Variants in APBA3 observed in about 807,000 individuals in gnomAD.
APBA3 encodes the protein amyloid beta precursor protein binding family A member 3, also known as amyloid-beta A4 precursor protein-binding family A member 3.
A neutral mutation model predicts 55.9 loss-of-function variants in APBA3; 45 were observed. The observed-to-expected ratio is 0.80, with a 90% CI of 0.63 to 1.03. The LOEUF (loss-of-function observed/expected upper bound fraction) is 1.03, where lower values mean the gene tolerates loss of function less well. APBA3 is among the 50% of genes least tolerant of loss of function. The pLI is 0.00. For missense variants in APBA3, 865 were observed against 820.3 expected, an observed-to-expected ratio of 1.05 and a Z score of -0.67; for synonymous variants, 370 against 353.3, an observed-to-expected ratio of 1.05 and a Z score of -0.53.
In APBA3 at chr19:3,751,512, G is replaced by C. The variant is rs1301348950; in HGVS notation, c.1437C>G (p.His479Gln). ...SQTSVTLSIV[H>Q]CPPVTTAIIH... ...TGATGGCGGTGGTGACGGGAGGGCA[G>C]TGGACGATGCTGAGTGTCACCGACG... The change falls in exon 9 of 11, where the codon CAC (histidine) becomes CAG (glutamine). Residue 479 changes from histidine (H) to glutamine (Q), a missense_variant. His to Gln is a conservative substitution (Grantham distance 24). Coordinates refer to ENST00000316757, the MANE Select transcript of APBA3 (RefSeq NM_004886.4). 2.5e-6 allele frequency: 4 copies of C among 1,588,362 alleles called. No homozygotes were observed. Among genetic ancestry groups the C allele is most frequent in the Non-Finnish European group, 3.4e-6 (4 of 1,170,490 alleles).
intron 1 of APBA3, 134 bp from the exon 2 acceptor site, chr19:3,760,435 AC>A (rs2037131260): frequency 1.7e-6 from 1 of 595,688 alleles, no homozygotes; most frequent in Admixed American, 3.4e-5. Context: ...ACAGAGCAAG[AC>A]CCTCTCTCTA....
Position 3,759,729 on chromosome 19 carries a change from A to T in APBA3, c.536T>A (p.Val179Glu), listed in dbSNP as rs1363052709. 6.2e-7 allele frequency: 1 copy of T among 1,612,602 alleles called. No individual in the cohort carries two copies. The highest frequency in any genetic ancestry group is 1.1e-5 in the South Asian group (1 of 91,068). ...TGGCTCTTCAGGTGTGACTAGAGGCACCGTCTCCAGCCAGGGTTCCGGGGA... is the reference window on the plus strand; with the variant it reads ...TGGCTCTTCAGGTGTGACTAGAGGCTCCGTCTCCAGCCAGGGTTCCGGGGA... ...SSSPEPWLETVPLVTPEEPPA... is the reference protein window; with the variant it reads ...SSSPEPWLETEPLVTPEEPPA... Residue 179 changes from valine to glutamate, a missense_variant, in exon 2 of 11, where the codon GTG becomes GAG. Coordinates refer to ENST00000316757, the MANE Select transcript of APBA3 (RefSeq NM_004886.4).
At chr19:3,759,472 T>G in intron 3 of APBA3, 89 bp downstream of exon 3, 1 of 1,330,796 alleles carries the variant, frequency 7.5e-7, no homozygotes, top group Non-Finnish European at 1.1e-6. Context: ...ACCTCGTCCT[T>G]ACTGGCAAGC....
Position 3,754,050 on chromosome 19 carries a change from TTGG to T in APBA3, c.815_817del (p.Thr272del), listed in dbSNP as rs1367497512. The stretch of plus-strand genomic sequence containing the variant: ...GTCCGCTGTCAAGACCTTGATCCTC[TTGG>T]TGGAGACGAACAGGTCCACCTCCGT... On this transcript the variant is annotated inframe_deletion, in exon 5 of 11. Coordinates refer to ENST00000316757, the MANE Select transcript of APBA3 (RefSeq NM_004886.4). 1 of 1,611,210 alleles carries T rather than the reference TTGG, an allele frequency of 6.2e-7. No individual in the cohort carries two copies. Among genetic ancestry groups the T allele is most frequent in the East Asian group, 2.2e-5 (1 of 44,820 alleles).
chr19:3,757,145 C>CA (rs2037087329), intron 3 of APBA3, among the ~76,000 whole-genome samples: 1 of 151,760 alleles, frequency 6.6e-6, no homozygotes, highest in South Asian at 2.1e-4. Context: ...GACATGGTCT[C>CA]ACTGTCACCC....
intron 3 of APBA3, among the ~76,000 whole-genome samples, chr19:3,758,144 C>T (rs548639833): frequency 6.6e-6 from 1 of 152,264 alleles, no homozygotes; most frequent in East Asian, 1.9e-4. Context: ...CAATGTTGGC[C>T]AGGCTGGTCT....
rs897625446 is a variant in APBA3 at position 3,752,691 on chromosome 19, G to T, written c.1212C>A (p.Gly404=). ...CCGACTCCACCAGGGCCACGCCCAG[G>T]CCCTCCCCTCGCCGCTTCTCGAGGT... The part of the protein sequence containing the change: ...EVHLEKRRGE[G]LGVALVESGW... The change falls in exon 8 of 11, where the codon GGC becomes GGA. Residue 404 remains glycine, a synonymous_variant. Transcript: ENST00000316757. 1 of 1,595,002 alleles carries T rather than the reference G, an allele frequency of 6.3e-7. No homozygotes were observed. Among genetic ancestry groups the T allele is most frequent in the African/African-American group, 1.3e-5 (1 of 74,876 alleles).
rs1224473166 is a variant in APBA3 at position 3,754,230 on chromosome 19, T to C, written c.727A>G (p.Met243Val). 1.0e-5 allele frequency: 16 copies of C among 1,544,350 alleles called. No individual in the cohort carries two copies. Among genetic ancestry groups the C allele is most frequent in the Admixed American group, 8.2e-5 (4 of 48,640 alleles). Residue 243 changes from methionine to valine, a missense_variant, in exon 4 of 11, where the codon ATG (methionine) becomes GTG (valine). Met to Val is a conservative substitution (Grantham distance 21). Transcript: ENST00000316757. The stretch of plus-strand genomic sequence containing the variant: ...TCCATGGCCTCCCGGGCCTGGGCCA[T>C]GCGCGTGCTGGTGGGCGGGTTCCGT... ...SERNPPTSTR[M>V]AQAREAMDRV... is the part of the protein sequence containing the mutation.
chr19:3,752,889 C>A lies in APBA3; in HGVS notation c.1113G>T (p.Pro371=). 1.2e-6 allele frequency: 2 copies of A among 1,613,268 alleles called. No homozygotes were observed. The highest frequency in any genetic ancestry group is 1.7e-4 in the Middle Eastern group (1 of 6,060). Residue 371 remains proline (P), a synonymous_variant, in exon 7 of 11, where the codon CCG becomes CCT. Coordinates refer to ENST00000316757, the MANE Select transcript of APBA3 (RefSeq NM_004886.4). ...TATGGAGGTGGCAGGCGCCTGGGCT[C>A]GGGTGCACGCCCACCTGGCTGGGGT... ...GIDPSQVGVH[P]SPGACHLHNG... is the part of the protein sequence containing the mutation.
At chr19:3,752,091 G>A (rs1411480317) in intron 8 of APBA3, among the ~76,000 whole-genome samples, 1 of 152,190 alleles carries the variant, frequency 6.6e-6, no homozygotes, top group Non-Finnish European at 1.5e-5. Context: ...GTGCACACCT[G>A]TGGTCCCAGC....
chr19:3,751,122 C>T lies in APBA3; in HGVS notation c.1657-25G>A, dbSNP rs894090267. ...CCTGGGGAGTGGAGGCGGAACGGGG[C>T]TCAGGGCAGGCCTGGGCTCGTGGGG... On this transcript the variant is annotated intron_variant, in intron 10 of 10. Coordinates refer to ENST00000316757, the MANE Select transcript of APBA3 (RefSeq NM_004886.4). The T allele has an allele frequency of 5.8e-6, 9 of 1,562,528 alleles. No individual in the cohort carries two copies. In the African/African-American group the frequency reaches 1.2e-4, roughly 21 times the overall value.
At chr19:3,752,096 C>T (rs2037013233) in intron 8 of APBA3, among the ~76,000 whole-genome samples, 1 of 152,150 alleles carries the variant, frequency 6.6e-6, no homozygotes, top group Admixed American at 6.5e-5. Flanking sequence ...CACCTGTGGT[C>T]CCAGCTACTC....
chr19:3,751,207 G>A lies in APBA3; in HGVS notation c.1638C>T (p.Leu546=), dbSNP rs2036994870. ...ATPHARIIEL[L]TEAYGEVHIK... is the part of the protein sequence containing the mutation. ...CGCACACCTCGCCATAGGCCTCGGT[G>A]AGCAGCTCGATGATGCGGGCGTGTG... The change falls in exon 10 of 11, where the codon CTC becomes CTT. Residue 546 remains leucine, a synonymous_variant. Coordinates refer to ENST00000316757, the MANE Select transcript of APBA3 (RefSeq NM_004886.4). The A allele has an allele frequency of 6.4e-7, 1 of 1,552,282 alleles. No homozygotes were observed. The highest frequency in any genetic ancestry group is 8.7e-7 in the Non-Finnish European group (1 of 1,149,114).
In APBA3 at chr19:3,753,755, G is replaced by A. The variant is rs771131480; in HGVS notation, c.1011+10C>T. 4 of 1,503,402 alleles carry A rather than the reference G, an allele frequency of 2.7e-6. No individual in the cohort carries two copies. The highest frequency in any genetic ancestry group is 1.4e-5 in the African/African-American group (1 of 72,476). The allele number at this position is 1,503,402 out of a possible 1,614,324, so 93.1% of individuals were successfully genotyped here. On this transcript the variant is annotated intron_variant, in intron 6 of 10. Transcript: ENST00000316757. Reference sequence around the variant, plus strand: ...CCTCAGGAGGGTGGCCCCGCGCCCTGGCTGCTCACGTCCTCCGCGTAGAAT... The same window carrying A: ...CCTCAGGAGGGTGGCCCCGCGCCCTAGCTGCTCACGTCCTCCGCGTAGAAT...
chr19:3,753,824 G>A lies in APBA3; in HGVS notation c.952C>T (p.Pro318Ser), dbSNP rs775646823. Residue 318 changes from proline (P) to serine (S), a missense_variant, in exon 6 of 11, where the codon CCC becomes TCC. Pro to Ser is a moderately conservative substitution (Grantham distance 74). Coordinates refer to ENST00000316757, the MANE Select transcript of APBA3 (RefSeq NM_004886.4). ...ARRRLARRPA[P>S]QDHGRRLYKM... ...TAGAGGCGGCGGCCGTGGTCCTGGG[G>A]TGCCGGCCTCCGTGCCAGCCGCCGC... 3 of 1,576,402 alleles carry A rather than the reference G, an allele frequency of 1.9e-6. No homozygotes were observed. The highest frequency in any genetic ancestry group is 1.7e-6 in the Non-Finnish European group (2 of 1,163,338).
rs867803530 is a variant in APBA3 at position 3,753,817 on chromosome 19, T to C, written c.959A>G (p.Asp320Gly). 1 of 1,575,484 alleles carries C rather than the reference T, an allele frequency of 6.3e-7. No homozygotes were observed. Among genetic ancestry groups the C allele is most frequent in the Non-Finnish European group, 8.6e-7 (1 of 1,163,042 alleles). Residue 320 changes from aspartate (D) to glycine (G), a missense_variant, in exon 6 of 11, where the codon GAC (aspartate) becomes GGC (glycine). Transcript: ENST00000316757. ...RRLARRPAPQ[D>G]HGRRLYKMLC... ...CATCTTGTAGAGGCGGCGGCCGTGGTCCTGGGGTGCCGGCCTCCGTGCCAG... is the reference window on the plus strand; with the variant it reads ...CATCTTGTAGAGGCGGCGGCCGTGGCCCTGGGGTGCCGGCCTCCGTGCCAG...
chr19:3,751,150 C>A, intron 10 of APBA3, 39 bp downstream of exon 10: 1 of 1,555,348 alleles, frequency 6.4e-7, no homozygotes, highest in South Asian at 1.2e-5. Flanking sequence ...TCGTGGGGGA[C>A]GTGGGGGCGC....
chr19:3,758,485 C>T (rs1179196032), intron 3 of APBA3, among the ~76,000 whole-genome samples: 1 of 152,014 alleles, frequency 6.6e-6, no homozygotes, highest in East Asian at 1.9e-4. Context: ...GTCTCCAACT[C>T]CCGGCTCAAG....
At position 3,751,089 on chromosome 19, in the gene APBA3, G is replaced by T. The variant is rs1174243329; in HGVS notation, c.1665C>A (p.Ile555=). The part of the protein sequence containing the change: ...LLTEAYGEVH[I]KTMPAATYRL... The stretch of plus-strand genomic sequence containing the variant: ...GATATGTGGCAGCTGGCATCGTCTT[G>T]ATATGCACCTGGGGAGTGGAGGCGG... The change falls in exon 11 of 11, where the codon ATC becomes ATA. Residue 555 remains isoleucine, a synonymous_variant. Transcript: ENST00000316757. 6.4e-7 allele frequency: 1 copy of T among 1,567,796 alleles called. No individual in the cohort carries two copies. Among genetic ancestry groups the T allele is most frequent in the African/African-American group, 1.3e-5 (1 of 74,074 alleles).
Sources: allele counts gnomAD v4.1 joint callset (sites outside exome capture counted in the v4.1 genomes callset), GRCh38; gene constraint gnomAD v4.1.1; transcripts MANE v1.5; gene names NCBI Gene and HGNC (gene_info 2026-07-23, HGNC 2026-07-21).